The following ZNF142 variants were observed in gnomAD, a reference collection of about 807,000 sequenced individuals.
The protein encoded by ZNF142 is zinc finger protein 142 (clone pHZ-49).
Under a neutral mutation model 132.1 loss-of-function variants are expected in ZNF142, and 96 were observed. The ratio of observed to expected loss-of-function variants is 0.73; its 90% CI spans 0.62 to 0.86. The LOEUF is 0.86. Among genes scored for constraint, ZNF142 ranks in the 40% least tolerant of loss-of-function variants. ZNF142 has a pLI of 0.00. For missense variants in ZNF142, 2,163 were observed against 2,336.2 expected, an observed-to-expected ratio of 0.93 and a Z score of 1.53; for synonymous variants, 842 against 890.1, an observed-to-expected ratio of 0.95 and a Z score of 0.96.
Position 218,642,203 on chromosome 2 carries a change from A to G in ZNF142, c.4913T>C (p.Val1638Ala). 1 of 1,614,178 alleles carries G rather than the reference A, an allele frequency of 6.2e-7. No homozygotes were observed. Among genetic ancestry groups the G allele is most frequent in the Non-Finnish European group, 8.5e-7 (1 of 1,180,040 alleles). Reference protein sequence around the residue: ...FCDFTCRHQLVLDHHVKGHGG... With the variant: ...FCDFTCRHQLALDHHVKGHGG... ...ATGCCCTTTCACATGGTGATCTAGT[A>G]CCAGCTGATGGCGGCATGTGAAGTC... The change falls in exon 9 of 11, where the codon GTA (valine) becomes GCA (alanine). Residue 1638 changes from valine (V) to alanine (A), a missense_variant. This residue lies in a region of ZNF142 where 325 missense variants were observed against 367.8 expected (regional missense o/e 0.88). Coordinates refer to ENST00000411696, the MANE Select transcript of ZNF142 (RefSeq NM_001379659.1). This position sits in a 1 kb window ranked among gnomAD's most constrained non-coding sequence, Gnocchi z 4.6.
Position 218,637,122 on chromosome 2 carries a change from C to T in ZNF142, c.*1217G>A. On this transcript the variant is annotated 3_prime_UTR_variant, in exon 11 of 11. Coordinates refer to ENST00000411696, the MANE Select transcript of ZNF142 (RefSeq NM_001379659.1). ...GAACACTGCACAGCACTCAAAGTCC[C>T]CCACTGGACTGCTTCCTCCTTAGCC... is the stretch of plus-strand genomic sequence containing the variant. 1 of 323,016 alleles carries T rather than the reference C, an allele frequency of 3.1e-6. No individual in the cohort carries two copies. 20.0% of individuals were successfully genotyped at this position (323,016 alleles called of 1,614,324 possible).
At chr2:218,654,372 CTT>C (rs56358619) in intron 4 of ZNF142, among the ~76,000 whole-genome samples, 1 of 147,408 alleles carries the variant, frequency 6.8e-6, no homozygotes, top group African/African-American at 2.5e-5. Flanking sequence ...AATGCATCTC[CTT>C]TTTTTTTTTT....
rs747726611 is a variant in ZNF142, at chr2:218,656,238, T to C, written c.192A>G (p.Thr64=). 6.2e-7 allele frequency: 1 copy of C among 1,613,574 alleles called. No homozygotes were observed. The highest frequency in any genetic ancestry group is 8.5e-7 in the Non-Finnish European group (1 of 1,179,726). The change falls in exon 4 of 11, where the codon ACA becomes ACG. Residue 64 remains threonine, a synonymous_variant. Coordinates refer to ENST00000411696, the MANE Select transcript of ZNF142 (RefSeq NM_001379659.1). Reference sequence around the variant, plus strand: ...TGTTCCCTGGTCCCTCTTCAGTTGCTGTGGCCTCTACCAGCAGGCAGCCTG... The same window carrying C: ...TGTTCCCTGGTCCCTCTTCAGTTGCCGTGGCCTCTACCAGCAGGCAGCCTG... The part of the protein sequence containing the change: ...TEPGCLLVEA[T]ATEEGPGNME...
At position 218,648,810 on chromosome 2, in the gene ZNF142, G is replaced by A. The variant is rs754625211; in HGVS notation, c.1698C>T (p.His566=). The part of the protein sequence containing the change: ...HLFRKHKKQG[H]PGSEELRCTF... ...TGCAGCGCAGCTCTTCACTGCCAGG[G>A]TGGCCCTGCTTCTTGTGTTTACGGA... The change falls in exon 7 of 11, where the codon CAC becomes CAT. Residue 566 remains histidine (H), a synonymous_variant. Coordinates refer to ENST00000411696, the MANE Select transcript of ZNF142 (RefSeq NM_001379659.1). 48 of 1,614,098 alleles carry A rather than the reference G, an allele frequency of 3.0e-5. No individual in the cohort carries two copies. In the South Asian group the frequency reaches 4.4e-4, roughly 15 times the overall value.
In ZNF142 at chr2:218,643,736, G is replaced by C. The variant is rs1294365171; in HGVS notation, c.3380C>G (p.Pro1127Arg). Residue 1127 changes from proline to arginine, a missense_variant, in exon 9 of 11, where the codon CCA (proline) becomes CGA (arginine). Physicochemically the swap from Pro to Arg is moderately radical, Grantham distance 103. Around this residue, in one of 7 missense-constraint regions of ZNF142, gnomAD observed 809 missense variants for 801.7 expected, o/e 1.01. Transcript: ENST00000411696. ...ASEDTESGKPPPASQEAELLL... is the reference protein window; with the variant it reads ...ASEDTESGKPRPASQEAELLL... Reference sequence around the variant, plus strand: ...TAGCTCTGCTTCTTGTGATGCAGGTGGGGGCTTCCCACTTTCTGTGTCCTC... The same window carrying C: ...TAGCTCTGCTTCTTGTGATGCAGGTCGGGGCTTCCCACTTTCTGTGTCCTC... 1.2e-6 allele frequency: 2 copies of C among 1,608,858 alleles called. No homozygotes were observed. The highest frequency in any genetic ancestry group is 1.7e-6 in the Non-Finnish European group (2 of 1,177,830).
At chr2:218,645,795 C>A (rs752622867) in intron 8 of ZNF142, among the ~76,000 whole-genome samples, 1 of 152,174 alleles carries the variant, frequency 6.6e-6, no homozygotes, top group African/African-American at 2.4e-5. Context: ...CAGAGTCTTA[C>A]TCTGTCACCC....
intron 7 of ZNF142, among the ~76,000 whole-genome samples, chr2:218,647,372 G>A (rs894450954): frequency 8.3e-6 from 1 of 120,256 alleles, no homozygotes; most frequent in Non-Finnish European, 1.6e-5. Flanking sequence ...GCAGTGAGCC[G>A]AGATTGGGCC....
chr2:218,640,015 T>C (rs1697042738), intron 10 of ZNF142, among the ~76,000 whole-genome samples: 1 of 121,004 alleles, frequency 8.3e-6, no homozygotes. Context: ...TGAGCTTAGA[T>C]TGCGCCACTG....
chr2:218,641,960 G>T, intron 9 of ZNF142, 68 bp downstream of exon 9: 1 of 1,551,194 alleles, frequency 6.4e-7, no homozygotes, highest in South Asian at 1.2e-5. Context: ...CAGCTATAGA[G>T]AACCAAGGCA....
rs1011750852 is a variant in ZNF142 at position 218,644,139 on chromosome 2, G to T, written c.2977C>A (p.Pro993Thr). Residue 993 changes from proline to threonine, a missense_variant, in exon 9 of 11, where the codon CCC becomes ACC. Pro to Thr is a conservative substitution (Grantham distance 38). Around this residue, in one of 7 missense-constraint regions of ZNF142, gnomAD observed 809 missense variants for 801.7 expected, o/e 1.01. Coordinates refer to ENST00000411696, the MANE Select transcript of ZNF142 (RefSeq NM_001379659.1). This position sits in a 1 kb window ranked among gnomAD's most constrained non-coding sequence, Gnocchi z 4.6. The part of the protein sequence containing the change: ...FKTTPPAETA[P>T]LPPLPESESL... ...TCTGACTCAGGTAATGGGGGCAAGG[G>T]TGCTGTCTCAGCAGGTGGAGTTGTC... The T allele has an allele frequency of 6.2e-7, 1 of 1,614,114 alleles. No homozygotes were observed. Among genetic ancestry groups the T allele is most frequent in the Non-Finnish European group, 8.5e-7 (1 of 1,180,012 alleles).
At position 218,643,875 on chromosome 2, in the gene ZNF142, G is replaced by A. The variant is rs750212887; in HGVS notation, c.3241C>T (p.Leu1081Phe). 3.7e-6 allele frequency: 6 copies of A among 1,614,032 alleles called. No individual in the cohort carries two copies. The highest frequency in any genetic ancestry group is 4.5e-5 in the East Asian group (2 of 44,880). ...CACTTCTTCAGCAGGTGGGTGCTGA[G>A]GCCGCGTTGTTGCTTGAAGCTAGCC... ...CGASFKQQRG[L>F]STHLLKKCPV... Residue 1081 changes from leucine (L) to phenylalanine (F), a missense_variant, in exon 9 of 11, where the codon CTC becomes TTC. Physicochemically the swap from Leu to Phe is conservative, Grantham distance 22. This residue lies in a region of ZNF142 where 809 missense variants were observed against 801.7 expected (regional missense o/e 1.01). Transcript: ENST00000411696.
Position 218,638,620 on chromosome 2 carries a change from A to T in ZNF142, c.5383T>A (p.Cys1795Ser). ...CGGAAAGCACGGTGGCACACATTGCACACATAGGGTTTGGCCTCACTGTGC... is the reference window on the plus strand; with the variant it reads ...CGGAAAGCACGGTGGCACACATTGCTCACATAGGGTTTGGCCTCACTGTGC... ...RKHSEAKPYVCNVCHRAFRWA... is the reference protein window; with the variant it reads ...RKHSEAKPYVSNVCHRAFRWA... The change falls in exon 11 of 11, where the codon TGC becomes AGC. Residue 1795 changes from cysteine to serine, a missense_variant. This residue lies in a region of ZNF142 where 325 missense variants were observed against 367.8 expected (regional missense o/e 0.88). Coordinates refer to ENST00000411696, the MANE Select transcript of ZNF142 (RefSeq NM_001379659.1). 6.2e-7 allele frequency: 1 copy of T among 1,614,214 alleles called. No individual in the cohort carries two copies. Among genetic ancestry groups the T allele is most frequent in the South Asian group, 1.1e-5 (1 of 91,082 alleles).
intron 7 of ZNF142, 72 bp downstream of exon 7, chr2:218,648,563 G>C (rs994693494): frequency 1.4e-6 from 2 of 1,453,122 alleles, no homozygotes; most frequent in Non-Finnish European, 1.9e-6. Context: ...GAAAACGTAT[G>C]CAAGACCCTT....
chr2:218,647,422 C>CAAAAA lies in ZNF142; in HGVS notation c.1874-1079_1874-1075dup, dbSNP rs35920609. On this transcript the variant is annotated intron_variant, in intron 7 of 10. Coordinates refer to ENST00000411696, the MANE Select transcript of ZNF142 (RefSeq NM_001379659.1). ...TGAGCAACAGAGCCAGACTCCATCT[C>CAAAAA]AAAAAAAAAAAAAGCCTCCTCCCCT... Among the ~76,000 whole-genome samples, 38 of 38,664 alleles carry CAAAAA rather than the reference C, an allele frequency of 9.8e-4. 5 individuals are homozygous for CAAAAA. The highest frequency in any genetic ancestry group is 1.1e-3 in the Admixed American group (2 of 1,846). The allele number at this position is 38,664 out of a possible 152,430, so 25.4% of individuals were successfully genotyped here. A position where few individuals can be genotyped will look rare whatever the true frequency, so the allele number is the denominator to read the frequency against.
intron 5 of ZNF142, among the ~76,000 whole-genome samples, chr2:218,651,395 T>G (rs1937977546): frequency 6.6e-6 from 1 of 152,238 alleles, no homozygotes; most frequent in Admixed American, 6.5e-5. Flanking sequence ...GATGGTCATT[T>G]TCACTTTAGC....
chr2:218,654,038 G>T (rs762200117), intron 4 of ZNF142, among the ~76,000 whole-genome samples: 1 of 151,974 alleles, frequency 6.6e-6, no homozygotes, highest in Non-Finnish European at 1.5e-5. Flanking sequence ...TTGTAGAGAT[G>T]GGGTCTCCCT....
At position 218,643,563 on chromosome 2, in the gene ZNF142, G is replaced by A; in HGVS notation, c.3553C>T (p.Pro1185Ser). The A allele has an allele frequency of 1.2e-6, 2 of 1,601,650 alleles. No homozygotes were observed. The highest frequency in any genetic ancestry group is 2.2e-5 in the East Asian group (1 of 44,712). ...GTGGGTGAGGAGTTTCCTGCAGGAG[G>A]GACTGGGTCAAAGCAGTGCTTCTTA... ...APKKHCFDPV[P>S]PAGNSSPTEA... The change falls in exon 9 of 11, where the codon CCT becomes TCT. Residue 1185 changes from proline (P) to serine (S), a missense_variant. Physicochemically the swap from Pro to Ser is moderately conservative, Grantham distance 74. Coordinates refer to ENST00000411696, the MANE Select transcript of ZNF142 (RefSeq NM_001379659.1).
chr2:218,647,123 T>TA (rs879886324), intron 7 of ZNF142, among the ~76,000 whole-genome samples: 1 of 151,754 alleles, frequency 6.6e-6, no homozygotes, highest in South Asian at 2.1e-4. Flanking sequence ...GAGCACTTTG[T>TA]AAAAAAATTC....
intron 4 of ZNF142, among the ~76,000 whole-genome samples, 166 bp downstream of exon 4, chr2:218,655,984 A>G (rs1243666866): frequency 6.6e-6 from 1 of 152,256 alleles, no homozygotes; most frequent in Non-Finnish European, 1.5e-5. Flanking sequence ...CCACTTCGCC[A>G]GCCTTCAATC....
Sources: allele counts gnomAD v4.1 joint callset (sites outside exome capture counted in the v4.1 genomes callset), GRCh38; gene constraint gnomAD v4.1.1; regional missense constraint gnomAD v4.1.1; non-coding constraint Gnocchi (gnomAD v3.1); transcripts MANE v1.5; gene names NCBI Gene and HGNC (gene_info 2026-07-23, HGNC 2026-07-21).